The following TESPA1 variants were observed in gnomAD, a reference collection of about 807,000 sequenced individuals.
The protein encoded by TESPA1 is thymocyte expressed, positive selection associated 1.
In TESPA1, 33 loss-of-function variants were observed where a neutral mutation model predicts 57.9. The ratio of observed to expected loss-of-function variants is 0.57; its 90% CI spans 0.43 to 0.76. The LOEUF is 0.76. Ranked by LOEUF, TESPA1 falls within the 30% of genes least tolerant of loss-of-function variation. The pLI is 0.00. For missense variants in TESPA1, 618 were observed against 632.9 expected, an observed-to-expected ratio of 0.98 and a Z score of 0.25; for synonymous variants, 227 against 228.9, an observed-to-expected ratio of 0.99 and a Z score of 0.07.
intron 3 of TESPA1, among the ~76,000 whole-genome samples, chr12:54,970,983 A>G (rs1224593690): frequency 6.6e-6 from 1 of 152,220 alleles, no homozygotes; most frequent in Non-Finnish European, 1.5e-5. Flanking sequence ...CCGAGAGCTT[A>G]GGAGGAGAAA....
At chr12:54,967,048 A>T in intron 5 of TESPA1, 135 bp downstream of exon 5, 1 of 912,534 alleles carries the variant, frequency 1.1e-6, no homozygotes, top group Non-Finnish European at 1.7e-6. Context: ...TAATAATGAG[A>T]CTGCCCTTTC....
At chr12:54,980,787 G>C (rs1023425683) in intron 1 of TESPA1, among the ~76,000 whole-genome samples, 1 of 152,170 alleles carries the variant, frequency 6.6e-6, no homozygotes, top group Non-Finnish European at 1.5e-5. Flanking sequence ...GATGACCAAT[G>C]CTTCTTTTTC....
chr12:54,952,000 T>G (rs1481645361), intron 10 of TESPA1, among the ~76,000 whole-genome samples: 1 of 152,166 alleles, frequency 6.6e-6, no homozygotes, highest in Non-Finnish European at 1.5e-5. Flanking sequence ...GACTGTTGTT[T>G]GAGTTTGCCC....
intron 1 of TESPA1, among the ~76,000 whole-genome samples, chr12:54,982,952 T>C (rs2251055): frequency 0.4 from 61,576 of 152,150 alleles, 16,504 homozygotes; most frequent in East Asian, 0.92. Flanking sequence ...GCCTGGGTGT[T>C]GTAAGGCACA....
intron 3 of TESPA1, among the ~76,000 whole-genome samples, chr12:54,971,116 C>T (rs1001477373): frequency 7.2e-5 from 11 of 152,360 alleles, no homozygotes; most frequent in African/African-American, 2.6e-4. Flanking sequence ...TGTTGGTGAA[C>T]TCTCCTGCAG....
intron 1 of TESPA1, among the ~76,000 whole-genome samples, chr12:54,978,697 C>T (rs1054212233): frequency 1.6e-4 from 25 of 152,178 alleles, no homozygotes; most frequent in African/African-American, 6.0e-4. Flanking sequence ...CTCAACATTG[C>T]TTGAACTTTT....
In TESPA1 at chr12:54,962,922, C is replaced by A. The variant is rs1413091427; in HGVS notation, c.976G>T (p.Glu326Ter). 1 of 1,613,648 alleles carries A rather than the reference C, an allele frequency of 6.2e-7. No individual in the cohort carries two copies. Among genetic ancestry groups the A allele is most frequent in the Non-Finnish European group, 8.5e-7 (1 of 1,179,842 alleles). Residue 326 changes from glutamate (E) to a stop codon, truncating the protein, a stop_gained, in exon 9 of 11, where the codon GAG becomes TAG. Transcript: ENST00000449076. LOFTEE classifies it high-confidence loss of function. ...GAGTCTTGCTGGAGGAACTGCTTCT[C>A]TTCTTTCACTTTGTCCATCACTTCC... ...VLEVMDKVKE[E>*]KQFLQQDSDL...
At chr12:54,968,163 C>G (rs1355544742) in intron 3 of TESPA1, 3 of 642,336 alleles carry the variant, frequency 4.7e-6, no homozygotes, top group Non-Finnish European at 5.0e-6. Flanking sequence ...GTCAACTTAA[C>G]AATGATTCTT....
chr12:54,962,575 G>T lies in TESPA1; in HGVS notation c.1323C>A (p.Ser441Arg). 1 of 1,613,898 alleles carries T rather than the reference G, an allele frequency of 6.2e-7. No individual in the cohort carries two copies. Among genetic ancestry groups the T allele is most frequent in the Non-Finnish European group, 8.5e-7 (1 of 1,179,894 alleles). ...FWKRKSRARK[S>R]LFQKNLMGRK... The stretch of plus-strand genomic sequence containing the variant: ...TGCCCATGAGATTCTTCTGGAAGAG[G>T]CTCTTTCTTGCTCTGCTCTTTCTTT... The change falls in exon 9 of 11, where the codon AGC becomes AGA. Residue 441 changes from serine to arginine, a missense_variant. Physicochemically the swap from Ser to Arg is moderately radical, Grantham distance 110 (BLOSUM62 -1). This residue lies in a region of TESPA1 where 409 missense variants were observed against 420.1 expected (regional missense o/e 0.97). Coordinates refer to ENST00000449076, the MANE Select transcript of TESPA1 (RefSeq NM_001136030.3).
At chr12:54,962,147 G>A (rs1951117448) in intron 9 of TESPA1, among the ~76,000 whole-genome samples, 1 of 152,166 alleles carries the variant, frequency 6.6e-6, no homozygotes, top group Non-Finnish European at 1.5e-5. Context: ...ATCTCATGAG[G>A]ACCACAACAA....
At chr12:54,963,713 T>C (rs1042717872) in intron 8 of TESPA1, 29 bp downstream of exon 8, 6 of 1,593,662 alleles carry the variant, frequency 3.8e-6, no homozygotes, top group Non-Finnish European at 5.1e-6. Flanking sequence ...AAAAGGGAAG[T>C]AGAGCAGGTG....
At chr12:54,977,329 A>G (rs1007490440) in intron 1 of TESPA1, among the ~76,000 whole-genome samples, 3 of 152,150 alleles carry the variant, frequency 2.0e-5, no homozygotes, top group African/African-American at 7.2e-5. Flanking sequence ...TCAGAGACAC[A>G]TGCAGGGAGA....
intron 1 of TESPA1, among the ~76,000 whole-genome samples, chr12:54,977,471 A>G (rs1257652464): frequency 3.9e-5 from 6 of 152,220 alleles, no homozygotes; most frequent in African/African-American, 1.2e-4. Context: ...AGTTCCTACA[A>G]TTGAGAACAA....
chr12:54,965,953 A>G, intron 7 of TESPA1, 100 bp downstream of exon 7: 6 of 1,130,796 alleles, frequency 5.3e-6, no homozygotes, highest in Non-Finnish European at 7.7e-6. Flanking sequence ...TAAAAGCTCC[A>G]GTAAGATATC....
chr12:54,973,992 A>T, intron 2 of TESPA1: 1 of 819,954 alleles, frequency 1.2e-6, no homozygotes, highest in Non-Finnish European at 1.5e-6. Context: ...TTGGACAAAT[A>T]AGTCTTAGAG....
chr12:54,957,043 C>T (rs538798700), intron 10 of TESPA1, among the ~76,000 whole-genome samples: 1 of 152,254 alleles, frequency 6.6e-6, no homozygotes, highest in South Asian at 2.1e-4. Flanking sequence ...ACCAACTTTG[C>T]GAGACTCATT....
At chr12:54,970,384 G>T (rs549411108) in intron 3 of TESPA1, among the ~76,000 whole-genome samples, 1 of 152,268 alleles carries the variant, frequency 6.6e-6, no homozygotes, top group South Asian at 2.1e-4. Flanking sequence ...TTTCTGGTTT[G>T]TCCAAAGCAA....
intron 10 of TESPA1, among the ~76,000 whole-genome samples, chr12:54,959,558 C>T (rs2136078344): frequency 6.6e-6 from 1 of 152,334 alleles, no homozygotes; most frequent in South Asian, 2.1e-4. Context: ...CTGGTCCATG[C>T]TGAGCATCCA....
At chr12:54,972,319 G>T (rs1331217248) in intron 3 of TESPA1, among the ~76,000 whole-genome samples, 2 of 152,128 alleles carry the variant, frequency 1.3e-5, no homozygotes, top group Non-Finnish European at 2.9e-5. Flanking sequence ...AAACTACTTG[G>T]CACCCCTCTA....
Sources: gnomAD v4.1 joint callset for allele counts (sites outside exome capture counted in the v4.1 genomes callset) on GRCh38, gnomAD v4.1.1 for gene constraint, gnomAD v4.1.1 regional missense constraint, MANE v1.5 for transcripts, NCBI Gene and HGNC (gene_info 2026-07-23, HGNC 2026-07-21) for gene names.